TENM3: variants seen among roughly 807,000 people sequenced by gnomAD.
TENM3 encodes the protein teneurin-3.
TENM3 carries 63 observed loss-of-function variants against 255.1 expected under a neutral mutation model. That is an observed-to-expected ratio of 0.25 (90% CI 0.20 to 0.30). The LOEUF (loss-of-function observed/expected upper bound fraction) is 0.30, where lower values mean the gene tolerates loss of function less well. Among genes scored for constraint, TENM3 ranks in the 10% least tolerant of loss-of-function variants. TENM3 has a pLI of 1.00. For missense variants in TENM3, 2,929 were observed against 3,461.1 expected (o/e 0.85, Z 3.86); for synonymous variants, 1,306 against 1,322.3 (o/e 0.99, Z 0.27).
the TENM3 span, among the ~76,000 whole-genome samples, chr4:181,761,012 A>ACACACACC: frequency 6.7e-6 from 1 of 148,704 alleles, no homozygotes; most frequent in African/African-American, 2.5e-5. Context: ...ACACACACAC[A>ACACACACC]CCCCGAATAA....
chr4:181,697,327 C>G, the TENM3 span, among the ~76,000 whole-genome samples: 1 of 152,148 alleles, frequency 6.6e-6, no homozygotes, highest in African/African-American at 2.4e-5. Context: ...TTGAAGCCAT[C>G]AGTAGATGCA....
At chr4:182,013,947 C>T in the TENM3 span, among the ~76,000 whole-genome samples, 2 of 143,012 alleles carry the variant, frequency 1.4e-5, no homozygotes, top group South Asian at 2.2e-4. Flanking sequence ...TGTGTATATA[C>T]GTATATACAC....
intron 3 of TENM3, among the ~76,000 whole-genome samples, chr4:182,526,282 A>G (rs1739170269): frequency 1.3e-5 from 2 of 151,378 alleles, no homozygotes; most frequent in East Asian, 3.9e-4. Flanking sequence ...GCCCAGCTAC[A>G]TTTGCCGCTT....
chr4:181,589,304 G>A, the TENM3 span, among the ~76,000 whole-genome samples: 88 of 152,172 alleles, frequency 5.8e-4, no homozygotes, highest in South Asian at 0.013. Flanking sequence ...ACTCTATGTC[G>A]TTTTTGTGAC....
chr4:182,773,612 T>G lies in TENM3; in HGVS notation c.5033T>G (p.Leu1678Arg), dbSNP rs1764444713. 6.2e-7 allele frequency: 1 copy of G among 1,613,208 alleles called. No individual in the cohort carries two copies. Among genetic ancestry groups the G allele is most frequent in the Admixed American group, 1.7e-5 (1 of 59,924 alleles). ...REEDVSITSN[L>R]SSIDSFYTMV... ...GAAGATGTCAGCATCACTTCAAATC[T>G]GTCCTCGATCGATTCTTTCTACACC... Residue 1678 changes from leucine (L) to arginine (R), a missense_variant, in exon 23 of 28, where the codon CTG becomes CGG. Coordinates refer to ENST00000511685, the MANE Select transcript of TENM3 (RefSeq NM_001080477.4).
At chr4:182,403,825 C>G (rs1580427853) in intron 3 of TENM3, among the ~76,000 whole-genome samples, 1 of 152,104 alleles carries the variant, frequency 6.6e-6, no homozygotes, top group Non-Finnish European at 1.5e-5. Context: ...GGGCTCAGAT[C>G]CTCCAGCCTC....
chr4:181,579,602 T>C, the TENM3 span, among the ~76,000 whole-genome samples: 1 of 152,210 alleles, frequency 6.6e-6, no homozygotes, highest in Admixed American at 6.5e-5. Context: ...TATACCAAAT[T>C]GGTCACTTTG....
the TENM3 span, among the ~76,000 whole-genome samples, chr4:181,772,993 C>A: frequency 6.6e-6 from 1 of 152,010 alleles, no homozygotes; most frequent in Non-Finnish European, 1.5e-5. Context: ...ACATAGGGCA[C>A]CCCCCCAAAA....
At chr4:182,745,597 C>G (rs1203939167) in intron 19 of TENM3, among the ~76,000 whole-genome samples, 2 of 152,158 alleles carry the variant, frequency 1.3e-5, no homozygotes, top group Non-Finnish European at 2.9e-5. Flanking sequence ...GTAGTAGAGG[C>G]TCCAGGAGAT....
the TENM3 span, among the ~76,000 whole-genome samples, chr4:181,963,008 T>C: frequency 6.6e-6 from 1 of 152,230 alleles, no homozygotes; most frequent in African/African-American, 2.4e-5. Flanking sequence ...GGAGTTGTAA[T>C]GCACCTCAAT....
At chr4:182,058,873 A>G in the TENM3 span, among the ~76,000 whole-genome samples, 1 of 151,980 alleles carries the variant, frequency 6.6e-6, no homozygotes, top group Non-Finnish European at 1.5e-5. Context: ...AAAGCAGATG[A>G]TAGAAATTTG....
the TENM3 span, among the ~76,000 whole-genome samples, chr4:182,109,677 C>T: frequency 6.6e-6 from 1 of 152,194 alleles, no homozygotes; most frequent in African/African-American, 2.4e-5. Flanking sequence ...TTAAGGATGC[C>T]ATACTGAGGT....
At chr4:182,516,649 G>A (rs570622231) in intron 3 of TENM3, among the ~76,000 whole-genome samples, 1 of 152,276 alleles carries the variant, frequency 6.6e-6, no homozygotes, top group Admixed American at 6.5e-5. Flanking sequence ...CCAGCACTTT[G>A]GGAGGCTGAG....
the TENM3 span, among the ~76,000 whole-genome samples, chr4:181,831,006 AT>A: frequency 3.9e-5 from 6 of 152,232 alleles, no homozygotes; most frequent in African/African-American, 1.4e-4. Flanking sequence ...CAAAGTAAAA[AT>A]AATCTTATCA....
the TENM3 span, among the ~76,000 whole-genome samples, chr4:181,949,765 C>T: frequency 1.3e-5 from 2 of 152,236 alleles, no homozygotes; most frequent in Admixed American, 1.3e-4. Context: ...TCTCTGAGTT[C>T]ACACCCTCCA....
chr4:182,744,591 A>G (rs1308410822), intron 19 of TENM3, among the ~76,000 whole-genome samples: 2 of 152,162 alleles, frequency 1.3e-5, no homozygotes, highest in East Asian at 3.8e-4. Flanking sequence ...AAGAAAAAGA[A>G]TCTAGAAATA....
chr4:182,107,817 G>A, the TENM3 span, among the ~76,000 whole-genome samples: 2 of 152,116 alleles, frequency 1.3e-5, no homozygotes, highest in Non-Finnish European at 2.9e-5. Context: ...TTCAGTCAGA[G>A]CCACTGTATA....
chr4:181,615,031 A>G, the TENM3 span, among the ~76,000 whole-genome samples: 41 of 152,164 alleles, frequency 2.7e-4, no homozygotes, highest in Admixed American at 6.5e-5. Context: ...GAGAGACAGG[A>G]TGTAGAATCC....
At chr4:181,553,577 G>A in the TENM3 span, among the ~76,000 whole-genome samples, 1 of 151,848 alleles carries the variant, frequency 6.6e-6, no homozygotes, top group African/African-American at 2.4e-5. Flanking sequence ...GAGTAGCTGG[G>A]ACTACGGGTG....
Sources: gnomAD v4.1 joint callset for allele counts (sites outside exome capture counted in the v4.1 genomes callset) on GRCh38, gnomAD v4.1.1 for gene constraint, MANE v1.5 for transcripts, NCBI Gene and HGNC (gene_info 2026-07-23, HGNC 2026-07-21) for gene names.